Variants in MPRIP observed in about 807,000 individuals in gnomAD.
The protein encoded by MPRIP is myosin phosphatase Rho interacting protein, also known as myosin phosphatase Rho-interacting protein.
A neutral mutation model predicts 234.9 loss-of-function variants in MPRIP; 59 were observed. That is an observed-to-expected ratio of 0.25 (90% confidence interval 0.20 to 0.31). MPRIP has a LOEUF of 0.31. MPRIP is among the 10% of genes least tolerant of loss of function. The pLI, the probability that MPRIP is intolerant of heterozygous loss-of-function variation, is 1.00. For missense variants in MPRIP, 2,436 were observed against 3,071.0 expected, an observed-to-expected ratio of 0.79 and a Z score of 4.89; for synonymous variants, 1,144 against 1,263.9, an observed-to-expected ratio of 0.91 and a Z score of 2.01.
chr17:17,160,892 C>T (rs1440914137), intron 14 of MPRIP, among the ~76,000 whole-genome samples: 1 of 152,194 alleles, frequency 6.6e-6, no homozygotes, highest in Non-Finnish European at 1.5e-5. Flanking sequence ...TTCCCCTTCT[C>T]AGAAATGAAC....
chr17:17,065,698 T>C (rs769284663), intron 1 of MPRIP, among the ~76,000 whole-genome samples: 4 of 152,216 alleles, frequency 2.6e-5, no homozygotes, highest in Non-Finnish European at 5.9e-5. Flanking sequence ...TCCATATCTA[T>C]AAAAAGTCTT....
At chr17:17,147,195 C>G in intron 10 of MPRIP, 124 bp from the exon 11 acceptor site, 1 of 884,598 alleles carries the variant, frequency 1.1e-6, no homozygotes, top group Non-Finnish European at 1.9e-6. Context: ...AGGGGCCAGC[C>G]TGTCCCCTGC....
chr17:17,092,346 A>G (rs948490247), intron 3 of MPRIP, among the ~76,000 whole-genome samples: 21 of 152,166 alleles, frequency 1.4e-4, no homozygotes, highest in Non-Finnish European at 2.8e-4. Flanking sequence ...CTGTGAATAT[A>G]TGTCAGGTGC....
chr17:17,174,625 A>G (rs1046733148), intron 19 of MPRIP, among the ~76,000 whole-genome samples: 6 of 152,266 alleles, frequency 3.9e-5, no homozygotes, highest in Middle Eastern at 3.4e-3. Flanking sequence ...TCACAAGGTC[A>G]GGGATTGAGA....
intron 3 of MPRIP, among the ~76,000 whole-genome samples, chr17:17,117,215 A>G (rs564082392): frequency 8.7e-4 from 132 of 152,322 alleles, no homozygotes; most frequent in African/African-American, 3.1e-3. Context: ...GGTGATGTGC[A>G]CTGAGAAGCA....
intron 3 of MPRIP, among the ~76,000 whole-genome samples, chr17:17,094,890 G>A (rs936349601): frequency 2.0e-5 from 3 of 152,060 alleles, no homozygotes; most frequent in Non-Finnish European, 4.4e-5. Context: ...GTGATTACAG[G>A]AGTGAGCCAC....
intron 1 of MPRIP, among the ~76,000 whole-genome samples, chr17:17,064,212 T>G (rs1262577771): frequency 1.3e-5 from 2 of 151,476 alleles, no homozygotes; most frequent in African/African-American, 4.9e-5. Context: ...TTTTGTTTTT[T>G]TTTTTTTGAG....
At chr17:17,115,041 C>T (rs147246570) in intron 3 of MPRIP, among the ~76,000 whole-genome samples, 2,073 of 152,384 alleles carry the variant, frequency 0.014, 35 homozygotes, top group Middle Eastern at 0.044. Flanking sequence ...AGGCCCAGCC[C>T]ACGCACTGCA....
chr17:17,100,572 C>T (rs2089940417), intron 3 of MPRIP, among the ~76,000 whole-genome samples: 1 of 152,100 alleles, frequency 6.6e-6, no homozygotes, highest in East Asian at 1.9e-4. Flanking sequence ...GCCTGAGCTC[C>T]ACCTCTTTCA....
chr17:17,068,011 G>T (rs1367719734), intron 1 of MPRIP, among the ~76,000 whole-genome samples: 2 of 151,778 alleles, frequency 1.3e-5, no homozygotes, highest in African/African-American at 4.8e-5. Flanking sequence ...ATTAGTGTTG[G>T]TAGAATTGTA....
Position 17,186,799 on chromosome 17 carries a change from T to A in MPRIP, c.*1905T>A, listed in dbSNP as rs1175030294. On this transcript the variant is annotated 3_prime_UTR_variant, in exon 24 of 24. Transcript: ENST00000651222. ...AGAAATGCACTATGACCTTTCTGTG[T>A]CAATGGGAATATACAGAAGGAACAT... The A allele has an allele frequency of 2.6e-5, 4 of 152,236 alleles. No homozygotes were observed. The highest frequency in any genetic ancestry group is 1.5e-5 in the Non-Finnish European group (1 of 68,082). 9.4% of individuals were successfully genotyped at this position (152,236 alleles called of 1,614,324 possible).
intron 10 of MPRIP, 65 bp from the exon 11 acceptor site, chr17:17,147,254 G>A (rs373403308): frequency 5.0e-5 from 75 of 1,502,580 alleles, no homozygotes; most frequent in African/African-American, 4.7e-4. Flanking sequence ...GCGCACCGCC[G>A]TGGCGTGGCA....
At chr17:17,059,968 G>A (rs979713377) in intron 1 of MPRIP, among the ~76,000 whole-genome samples, 6 of 152,216 alleles carry the variant, frequency 3.9e-5, no homozygotes, top group Admixed American at 3.9e-4. Flanking sequence ...TTACTGATGA[G>A]GCTCTGAAGT....
rs557683426 is a variant in MPRIP at position 17,142,957 on chromosome 17, T to C, written c.1389+192T>C. ...CAGCTTCATATCAGAGCCTTCTCCG[T>C]CTCTGCTGAAGGATATTCTCATGCA... On this transcript the variant is annotated intron_variant, in intron 8 of 23. Coordinates refer to ENST00000651222, the MANE Select transcript of MPRIP (RefSeq NM_001364716.4). 7.6e-4 allele frequency among the ~76,000 whole-genome samples: 115 copies of C among 152,288 alleles called. 1 individual carries two copies. Among genetic ancestry groups the C allele is most frequent in the Admixed American group, 2.4e-3 (36 of 15,298 alleles).
Position 17,164,762 on chromosome 17 carries a change from G to A in MPRIP, c.3171G>A (p.Gln1057=), listed in dbSNP as rs1251738443. The change falls in exon 16 of 24, where the codon CAG becomes CAA. Residue 1057 remains glutamine, a synonymous_variant. Coordinates refer to ENST00000651222, the MANE Select transcript of MPRIP (RefSeq NM_001364716.4). ...ASAYEDQLQG[Q]AQQVETLQKE... ...CCTATGAGGACCAGCTGCAGGGTCA[G>A]GCACAGCAGGTGGAGACCCTGCAGA... is the stretch of plus-strand genomic sequence containing the variant. 6 of 1,304,226 alleles carry A rather than the reference G, an allele frequency of 4.6e-6. No homozygotes were observed. Among genetic ancestry groups the A allele is most frequent in the Non-Finnish European group, 6.1e-6 (6 of 988,902 alleles). 80.8% of individuals were successfully genotyped at this position (1,304,226 alleles called of 1,614,324 possible).
chr17:17,170,691 G>A (rs944505903), intron 16 of MPRIP, among the ~76,000 whole-genome samples: 2 of 152,224 alleles, frequency 1.3e-5, no homozygotes, highest in Admixed American at 6.5e-5. Context: ...ATGTGGCCAC[G>A]TTCTTCCAGT....
chr17:17,110,152 C>T (rs2090142028), intron 3 of MPRIP, among the ~76,000 whole-genome samples: 1 of 152,082 alleles, frequency 6.6e-6, no homozygotes, highest in African/African-American at 2.4e-5. Context: ...TGCCTGGCAG[C>T]TTCCTTCTCA....
At chr17:17,147,639 G>A (rs919788436) in intron 11 of MPRIP, among the ~76,000 whole-genome samples, 7 of 152,202 alleles carry the variant, frequency 4.6e-5, no homozygotes, top group South Asian at 2.1e-4. Flanking sequence ...GCTGGGCTTC[G>A]TCAAGGCCTT....
At chr17:17,096,813 G>A (rs753738875) in intron 3 of MPRIP, 3 of 471,064 alleles carry the variant, frequency 6.4e-6, no homozygotes, top group Admixed American at 2.3e-5. Context: ...AACCACAAGG[G>A]AGCTTGGATT....
Sources: gnomAD v4.1 joint callset for allele counts (sites outside exome capture counted in the v4.1 genomes callset) on GRCh38, gnomAD v4.1.1 for gene constraint, MANE v1.5 for transcripts, NCBI Gene and HGNC (gene_info 2026-07-23, HGNC 2026-07-21) for gene names.